Variants in SETD5 observed in about 807,000 individuals in gnomAD.
SETD5 encodes histone-lysine N-methyltransferase SETD5.
In SETD5, 44 loss-of-function variants were observed where a neutral mutation model predicts 153.3. The ratio of observed to expected loss-of-function variants is 0.29; its 90% CI spans 0.23 to 0.37. The LOEUF is 0.37. Ranked by LOEUF, SETD5 falls within the 10% of genes least tolerant of loss-of-function variation. The pLI is 1.00. For missense variants in SETD5, 1,544 were observed against 1,768.0 expected (o/e 0.87, Z 2.27); for synonymous variants, 716 against 645.2 (o/e 1.11, Z -1.66).
At position 9,453,844 on chromosome 3, in the gene SETD5, T is replaced by G. The variant is rs372699100; in HGVS notation, c.2452T>G (p.Ser818Ala). The change falls in exon 17 of 23, where the codon TCT (serine) becomes GCT (alanine). Residue 818 changes from serine (S) to alanine (A), a missense_variant. Coordinates refer to ENST00000402198, the MANE Select transcript of SETD5 (RefSeq NM_001080517.3). Reference sequence around the variant, plus strand: ...CCAAAGCAATGAGAATAGTAGCTCTTCTAGTATCTGCAAAGACAATGCAGG... The same window carrying G: ...CCAAAGCAATGAGAATAGTAGCTCTGCTAGTATCTGCAAAGACAATGCAGG... Reference protein sequence around the residue: ...LYQSNENSSSSSICKDNADLL... With the variant: ...LYQSNENSSSASICKDNADLL... The G allele has an allele frequency of 7.5e-6, 12 of 1,593,786 alleles. No individual in the cohort carries two copies. Among genetic ancestry groups the G allele is most frequent in the Non-Finnish European group, 8.5e-6 (10 of 1,173,932 alleles).
chr3:9,475,310 A>G (rs2125627249), intron 22 of SETD5, 154 bp downstream of exon 22: 1 of 1,134,202 alleles, frequency 8.8e-7, no homozygotes, highest in South Asian at 1.6e-5. Context: ...GTAATAAATT[A>G]TGCCAGAAGA....
At chr3:9,462,489 A>G (rs2044079940) in intron 17 of SETD5, among the ~76,000 whole-genome samples, 2 of 151,414 alleles carry the variant, frequency 1.3e-5, no homozygotes, top group South Asian at 4.2e-4. Flanking sequence ...CGGGAGGCTG[A>G]GGCAGGAGAA....
At chr3:9,474,314 AC>A in intron 20 of SETD5, 134 bp from the exon 21 acceptor site, 1 of 911,454 alleles carries the variant, frequency 1.1e-6, no homozygotes, top group Admixed American at 2.8e-5. Flanking sequence ...CAGAGGAAAT[AC>A]GTTGTTTTAA....
chr3:9,428,107 TAC>T (rs2039530461), intron 2 of SETD5, among the ~76,000 whole-genome samples: 1 of 152,158 alleles, frequency 6.6e-6, no homozygotes, highest in Non-Finnish European at 1.5e-5. Context: ...CATCAGGAGA[TAC>T]AGAGATTTCC....
chr3:9,474,754 C>G, intron 21 of SETD5, 172 bp downstream of exon 21: 1 of 862,294 alleles, frequency 1.2e-6, no homozygotes, highest in Non-Finnish European at 1.8e-6. Context: ...TTTGTAAGAT[C>G]TAGCATTGCT....
chr3:9,409,661 A>T (rs760224329), intron 1 of SETD5, among the ~76,000 whole-genome samples: 6 of 152,204 alleles, frequency 3.9e-5, no homozygotes, highest in Non-Finnish European at 8.8e-5. Flanking sequence ...AATGGTACTT[A>T]GAAACCACAG....
At chr3:9,411,388 G>T (rs2036547031) in intron 1 of SETD5, among the ~76,000 whole-genome samples, 1 of 152,082 alleles carries the variant, frequency 6.6e-6, no homozygotes, top group African/African-American at 2.4e-5. Context: ...TAAAAGTCTT[G>T]TACCTGTTAA....
intron 17 of SETD5, among the ~76,000 whole-genome samples, chr3:9,461,346 T>C (rs184722013): frequency 1.2e-3 from 183 of 152,334 alleles, no homozygotes; most frequent in African/African-American, 4.2e-3. Flanking sequence ...ATGTTGACCA[T>C]GTATTTCTGA....
chr3:9,455,350 C>T (rs1442885578), intron 17 of SETD5, among the ~76,000 whole-genome samples: 1 of 151,542 alleles, frequency 6.6e-6, no homozygotes, highest in East Asian at 1.9e-4. Context: ...AGGAGATCCG[C>T]CCACCTCGGC....
chr3:9,408,217 CTCT>C (rs2036027262), intron 1 of SETD5, among the ~76,000 whole-genome samples: 3 of 152,148 alleles, frequency 2.0e-5, no homozygotes, highest in Non-Finnish European at 4.4e-5. Context: ...CTTGATAGAG[CTCT>C]TCTTATTCTG....
intron 13 of SETD5, among the ~76,000 whole-genome samples, chr3:9,446,286 CAAAAAAAAAAA>C (rs577044895): frequency 4.4e-5 from 1 of 22,844 alleles, no homozygotes; most frequent in Non-Finnish European, 1.2e-4. Flanking sequence ...GACTCCATCT[CAAAAAAAAAAA>C]AAAAAAAAAA....
Position 9,447,160 on chromosome 3 carries a change from T to A in SETD5, c.1635T>A (p.Ile545=), listed in dbSNP as rs750347769. The change falls in exon 14 of 23, where the codon ATT becomes ATA. Residue 545 remains isoleucine, a synonymous_variant. Coordinates refer to ENST00000402198, the MANE Select transcript of SETD5 (RefSeq NM_001080517.3). ...AACAGAGCAACTCTGATGTAGAGAT[T>A]ACTACAACCACCTCAGAGACTCCTG... ...PLEQSNSDVE[I]TTTTSETPVG... 9.9e-6 allele frequency: 16 copies of A among 1,613,888 alleles called. No individual in the cohort carries two copies. The East Asian group carries it at 3.6e-4, about 36-fold the overall frequency.
chr3:9,441,351 TA>T (rs2041263583), intron 8 of SETD5, among the ~76,000 whole-genome samples: 1 of 151,260 alleles, frequency 6.6e-6, no homozygotes, highest in African/African-American at 2.4e-5. Context: ...CTTAATCATG[TA>T]TTTTTTTTTT....
intron 17 of SETD5, among the ~76,000 whole-genome samples, chr3:9,455,918 C>A (rs918658859): frequency 1.3e-5 from 2 of 152,120 alleles, no homozygotes; most frequent in Admixed American, 1.3e-4. Context: ...GAGAAACACT[C>A]ACAGGACACA....
chr3:9,446,730 A>G (rs961541791), intron 13 of SETD5, among the ~76,000 whole-genome samples: 1 of 151,996 alleles, frequency 6.6e-6, no homozygotes, highest in African/African-American at 2.4e-5. Context: ...CGACCTCATG[A>G]TCTTCCCACC....
rs574639643 is a variant in SETD5 at position 9,476,191 on chromosome 3, G to A, written c.*100G>A. On this transcript the variant is annotated 3_prime_UTR_variant, in exon 23 of 23. Coordinates refer to ENST00000402198, the MANE Select transcript of SETD5 (RefSeq NM_001080517.3). ...CGAGCATATTGCTGAGGAACGGGGG[G>A]TACAAGGTGCCAGAGGATTGGGTCT... The A allele has an allele frequency of 1.9e-5, 28 of 1,445,850 alleles. 1 individual carries two copies. In the East Asian group the frequency reaches 5.2e-4, roughly 27 times the overall value. 89.6% of individuals were successfully genotyped at this position (1,445,850 alleles called of 1,614,324 possible). A position where few individuals can be genotyped will look rare whatever the true frequency, so the allele number is the denominator to read the frequency against.
In SETD5 at chr3:9,440,823, G is replaced by GTGT. The variant is rs569567837; in HGVS notation, c.810+128_810+130dup. 52 of 1,260,584 alleles carry GTGT rather than the reference G, an allele frequency of 4.1e-5. No individual in the cohort carries two copies. The African/African-American group carries it at 7.2e-4, about 18-fold the overall frequency. The allele number at this position is 1,260,584 out of a possible 1,614,324, so 78.1% of individuals were successfully genotyped here. A position where few individuals can be genotyped will look rare whatever the true frequency, so the allele number is the denominator to read the frequency against. On this transcript the variant is annotated intron_variant, in intron 8 of 22. Coordinates refer to ENST00000402198, the MANE Select transcript of SETD5 (RefSeq NM_001080517.3). The stretch of plus-strand genomic sequence containing the variant: ...GGCCATGGAATAACAGATTAGCCAG[G>GTGT]TGTTGATCATATGTAACCAAAAGTA...
At chr3:9,419,811 T>A (rs923548639) in intron 1 of SETD5, among the ~76,000 whole-genome samples, 14 of 152,216 alleles carry the variant, frequency 9.2e-5, no homozygotes, top group African/African-American at 2.7e-4. Flanking sequence ...TAATGGCTCA[T>A]AAATGTGCAC....
At chr3:9,433,314 A>G (rs1480606942) in intron 3 of SETD5, 34 of 1,188,194 alleles carry the variant, frequency 2.9e-5, no homozygotes, top group Non-Finnish European at 3.7e-5. Flanking sequence ...GGGTTCATCA[A>G]GATGAGAGGT....
Sources: allele counts gnomAD v4.1 joint callset (sites outside exome capture counted in the v4.1 genomes callset), GRCh38; gene constraint gnomAD v4.1.1; transcripts MANE v1.5; gene names NCBI Gene and HGNC (gene_info 2026-07-23, HGNC 2026-07-21).